The following TTC5 variants were observed in gnomAD, a reference collection of about 807,000 sequenced individuals.
TTC5 encodes tetratricopeptide repeat domain 5.
Under a neutral mutation model 57.4 loss-of-function variants are expected in TTC5, and 46 were observed. The observed-to-expected ratio is 0.80, with a 90% CI of 0.63 to 1.03. The LOEUF is 1.03. TTC5 is among the 50% of genes least tolerant of loss of function. The probability of loss-of-function intolerance (pLI) is 0.00; values close to 1 mark genes in which losing one functional copy is unlikely to be tolerated. For synonymous variants in TTC5, 190 were observed against 203.5 expected, an observed-to-expected ratio of 0.93 and a Z score of 0.57; for missense variants, 504 against 528.1, an observed-to-expected ratio of 0.95 and a Z score of 0.45.
At chr14:20,295,948 T>A in intron 6 of TTC5, 94 bp from the exon 7 acceptor site, 1 of 1,263,864 alleles carries the variant, frequency 7.9e-7, no homozygotes, top group Non-Finnish European at 1.1e-6. Flanking sequence ...AAATAAACTG[T>A]TTTCCTTCCT....
At chr14:20,295,199 A>T in intron 8 of TTC5, 113 bp downstream of exon 8, 1 of 931,050 alleles carries the variant, frequency 1.1e-6, no homozygotes, top group Non-Finnish European at 1.7e-6. Context: ...GAAGGAAATC[A>T]GAAGTCACAA....
chr14:20,299,008 C>T (rs1297030588), intron 4 of TTC5, 120 bp from the exon 5 acceptor site: 18 of 832,988 alleles, frequency 2.2e-5, no homozygotes, highest in East Asian at 1.9e-4. Flanking sequence ...AGGAATGACA[C>T]GATACTTAGT....
chr14:20,300,571 C>T (rs1882167946), intron 3 of TTC5, 36 bp downstream of exon 3: 1 of 1,557,586 alleles, frequency 6.4e-7, no homozygotes, highest in East Asian at 2.2e-5. Flanking sequence ...TCATCCTTCC[C>T]ATCTCTGCTT....
chr14:20,299,709 T>A (rs2001572), intron 3 of TTC5, among the ~76,000 whole-genome samples: 64,602 of 151,824 alleles, frequency 0.43, 14,627 homozygotes, highest in Admixed American at 0.51. Context: ...TGCACCACCA[T>A]GCCCGGCTAA....
rs960662897 is a variant in TTC5, at chr14:20,300,898, G to A, written c.185-80C>T. The A allele has an allele frequency of 1.3e-4, 141 of 1,102,380 alleles. 2 individuals carry two copies. The Middle Eastern group carries it at 4.8e-3, about 37-fold the overall frequency. 68.3% of individuals were successfully genotyped at this position (1,102,380 alleles called of 1,614,324 possible). A position where few individuals can be genotyped will look rare whatever the true frequency, so the allele number is the denominator to read the frequency against. ...ACTTTCTCTCAAAAAATAACTACAC[G>A]TCAGTTTTAGGAATAAAAAGAGTTG... On this transcript the variant is annotated intron_variant, in intron 2 of 9. Coordinates refer to ENST00000258821, the MANE Select transcript of TTC5 (RefSeq NM_138376.3).
chr14:20,305,932 C>T lies in TTC5; in HGVS notation c.6G>A (p.Met2Ile), dbSNP rs1445475605. The part of the protein sequence containing the change: M[M>I]ADEEEEVKPI... ...GCTTGACTTCTTCCTCTTCATCAGC[C>T]ATCATCTCCCGGCCACTCCACCCCC... Residue 2 changes from methionine (M) to isoleucine (I), a missense_variant, in exon 1 of 10, where the codon ATG becomes ATA. Physicochemically the swap from Met to Ile is conservative, Grantham distance 10. Coordinates refer to ENST00000258821, the MANE Select transcript of TTC5 (RefSeq NM_138376.3). 1 of 1,614,150 alleles carries T rather than the reference C, an allele frequency of 6.2e-7. No individual in the cohort carries two copies. The highest frequency in any genetic ancestry group is 1.3e-5 in the African/African-American group (1 of 75,020).
intron 4 of TTC5, 45 bp from the exon 5 acceptor site, chr14:20,298,933 A>G: frequency 7.2e-7 from 1 of 1,387,706 alleles, no homozygotes; most frequent in Non-Finnish European, 1.0e-6. Flanking sequence ...GTCCAAGTTC[A>G]AGATATGACT....
rs1324833353 is a variant in TTC5 at position 20,286,527 on chromosome 14, T to C, written c.*3100A>G. 3 of 152,086 alleles carry C rather than the reference T, an allele frequency of 2.0e-5. No individual in the cohort carries two copies. Among genetic ancestry groups the C allele is most frequent in the Non-Finnish European group, 4.4e-5 (3 of 68,024 alleles). 9.4% of individuals were successfully genotyped at this position (152,086 alleles called of 1,614,324 possible). A position where few individuals can be genotyped will look rare whatever the true frequency, so the allele number is the denominator to read the frequency against. On this transcript the variant is annotated 3_prime_UTR_variant, in exon 10 of 10. Transcript: ENST00000258821. ...CTTTAATAAAAGGTGCTGGGCTATT[T>C]ACTCATTATGAAAAAAATTATATCC... is the stretch of plus-strand genomic sequence containing the variant.
chr14:20,296,485 C>CA (rs1400614550), intron 5 of TTC5, 39 bp from the exon 6 acceptor site: 1 of 1,523,468 alleles, frequency 6.6e-7, no homozygotes, highest in Admixed American at 1.7e-5. Context: ...GATCCTGTCT[C>CA]AATGTTAAGG....
At chr14:20,291,758 A>C (rs190849789) in intron 9 of TTC5, among the ~76,000 whole-genome samples, 81 of 152,306 alleles carry the variant, frequency 5.3e-4, no homozygotes, top group Middle Eastern at 3.4e-3. Flanking sequence ...GTAATACCTG[A>C]GTGATAATAT....
chr14:20,300,743 T>A lies in TTC5; in HGVS notation c.260A>T (p.Lys87Met). Reference sequence around the variant, plus strand: ...AGCCTTTGACAGAAGCTCCTCAGCCTTAGGGCTATAGTCAGGAGTCACATT... The same window carrying A: ...AGCCTTTGACAGAAGCTCCTCAGCCATAGGGCTATAGTCAGGAGTCACATT... ...ALNVTPDYSP[K>M]AEELLSKAVK... Residue 87 changes from lysine (K) to methionine (M), a missense_variant, in exon 3 of 10, where the codon AAG (lysine) becomes ATG (methionine). Transcript: ENST00000258821. 10 of 1,614,186 alleles carry A rather than the reference T, an allele frequency of 6.2e-6. No homozygotes were observed. Among genetic ancestry groups the A allele is most frequent in the Non-Finnish European group, 7.6e-6 (9 of 1,180,028 alleles).
At position 20,289,376 on chromosome 14, in the gene TTC5, G is replaced by T; in HGVS notation, c.*251C>A. The T allele has an allele frequency of 3.1e-6, 1 of 318,842 alleles. No homozygotes were observed. The highest frequency in any genetic ancestry group is 5.8e-6 in the Non-Finnish European group (1 of 173,442). 19.8% of individuals were successfully genotyped at this position (318,842 alleles called of 1,614,324 possible). ...GACTTCTACCAATTCCATGCTCTTT[G>T]CTTAAAACATAGAGAGCAGTGGAAG... is the stretch of plus-strand genomic sequence containing the variant. On this transcript the variant is annotated 3_prime_UTR_variant, in exon 10 of 10. Coordinates refer to ENST00000258821, the MANE Select transcript of TTC5 (RefSeq NM_138376.3).
Position 20,305,746 on chromosome 14 carries a change from C to A in TTC5, c.51+141G>T, listed in dbSNP as rs866275722. 3.4e-5 allele frequency: 29 copies of A among 850,294 alleles called. No homozygotes were observed. The Middle Eastern group carries it at 7.0e-4, about 20-fold the overall frequency. 52.7% of individuals were successfully genotyped at this position (850,294 alleles called of 1,614,324 possible). A position where few individuals can be genotyped will look rare whatever the true frequency, so the allele number is the denominator to read the frequency against. ...GCTCCCTGGCTGGCTGCGGCTGCAC[C>A]CTCGAGGGTTGTTATAGTAACCACA... On this transcript the variant is annotated intron_variant, in intron 1 of 9. Transcript: ENST00000258821.
chr14:20,295,252 C>A, intron 8 of TTC5, 60 bp downstream of exon 8: 1 of 1,502,792 alleles, frequency 6.7e-7, no homozygotes, highest in Non-Finnish European at 9.3e-7. Flanking sequence ...AGGGAAAGAA[C>A]AGGAAGTGAG....
chr14:20,289,034 A>G lies in TTC5; in HGVS notation c.*593T>C, dbSNP rs1457824379. On this transcript the variant is annotated 3_prime_UTR_variant, in exon 10 of 10. Coordinates refer to ENST00000258821, the MANE Select transcript of TTC5 (RefSeq NM_138376.3). Reference sequence around the variant, plus strand: ...GGGAGAGAAATAAACTGCTTTGTATAAAGAAAAAAATGGGGGTATTACTCC... The same window carrying G: ...GGGAGAGAAATAAACTGCTTTGTATGAAGAAAAAAATGGGGGTATTACTCC... 1 of 145,610 alleles carries G rather than the reference A, an allele frequency of 6.9e-6. No homozygotes were observed. Among genetic ancestry groups the G allele is most frequent in the Non-Finnish European group, 1.5e-5 (1 of 65,006 alleles). The allele number at this position is 145,610 out of a possible 1,614,324, so 9.0% of individuals were successfully genotyped here.
chr14:20,298,096 T>C (rs1882103626), intron 5 of TTC5, among the ~76,000 whole-genome samples: 1 of 152,118 alleles, frequency 6.6e-6, no homozygotes, highest in South Asian at 2.1e-4. Context: ...CAATTCTCTA[T>C]ATCAAGAGAA....
rs558436994 is a variant in TTC5 at position 20,305,408 on chromosome 14, TAC to T, written c.51+477_51+478del. On this transcript the variant is annotated intron_variant, in intron 1 of 9. Coordinates refer to ENST00000258821, the MANE Select transcript of TTC5 (RefSeq NM_138376.3). ...TCTGCATCAGACCCCAAAGTGGAAT[TAC>T]ACAGGTTGAAAGAAATCAAAACTGA... The T allele has an allele frequency of 2.4e-3, 382 of 156,894 alleles. 3 individuals are homozygous for T. The highest frequency in any genetic ancestry group is 8.8e-3 in the African/African-American group (367 of 41,650). The allele number at this position is 156,894 out of a possible 1,614,324, so 9.7% of individuals were successfully genotyped here.
Position 20,286,466 on chromosome 14 carries a change from A to C in TTC5, c.*3161T>G, listed in dbSNP as rs1881839900. ...CAATTTCAAAAAAAGAAAAAGACAG[A>C]CTGGGCTTTAAAGATCAGTAGGGAA... On this transcript the variant is annotated 3_prime_UTR_variant, in exon 10 of 10. Coordinates refer to ENST00000258821, the MANE Select transcript of TTC5 (RefSeq NM_138376.3). 1 of 152,096 alleles carries C rather than the reference A, an allele frequency of 6.6e-6. No homozygotes were observed. The highest frequency in any genetic ancestry group is 2.4e-5 in the African/African-American group (1 of 41,450). The allele number at this position is 152,096 out of a possible 1,614,324, so 9.4% of individuals were successfully genotyped here.
chr14:20,299,852 G>A (rs903634964), intron 3 of TTC5, among the ~76,000 whole-genome samples: 3 of 150,522 alleles, frequency 2.0e-5, no homozygotes, highest in African/African-American at 2.4e-5. Context: ...ACGCCTGGCC[G>A]TATTTTTCTT....
Sources: allele counts gnomAD v4.1 joint callset (sites outside exome capture counted in the v4.1 genomes callset), GRCh38; gene constraint gnomAD v4.1.1; transcripts MANE v1.5; gene names NCBI Gene and HGNC (gene_info 2026-07-23, HGNC 2026-07-21).